U2SURP: variants seen among roughly 807,000 people sequenced by gnomAD.
The protein encoded by U2SURP is U2 snRNP-associated SURP motif-containing protein.
U2SURP carries 9 observed loss-of-function variants against 144.9 expected under a neutral mutation model. The ratio of observed to expected loss-of-function variants is 0.06; its 90% CI spans 0.04 to 0.11. The LOEUF is 0.11. Ranked by LOEUF, U2SURP falls within the 10% of genes least tolerant of loss-of-function variation. The pLI is 1.00. For synonymous variants in U2SURP, 408 were observed against 396.8 expected (o/e 1.03, Z -0.33); for missense variants, 724 against 1,226.7 (o/e 0.59, Z 6.12).
chr3:143,013,536 C>T (rs1936215436), intron 3 of U2SURP, among the ~76,000 whole-genome samples: 1 of 151,936 alleles, frequency 6.6e-6, no homozygotes, highest in Non-Finnish European at 1.5e-5. Context: ...GAGAGAGAAA[C>T]CTTCAGATTT....
At chr3:143,034,827 T>C (rs2108297173) in intron 18 of U2SURP, 61 bp from the exon 19 acceptor site, 2 of 1,107,640 alleles carry the variant, frequency 1.8e-6, no homozygotes, top group Non-Finnish European at 2.6e-6. Context: ...TTGGCTGGCA[T>C]GCTAAAAGGG....
At chr3:143,011,653 A>G (rs1185595075) in intron 2 of U2SURP, among the ~76,000 whole-genome samples, 1 of 152,120 alleles carries the variant, frequency 6.6e-6, no homozygotes, top group African/African-American at 2.4e-5. Context: ...TTTCACTTAA[A>G]AAACTAGCAT....
intron 24 of U2SURP, among the ~76,000 whole-genome samples, chr3:143,046,951 ACC>A (rs1560203258): frequency 1.1e-5 from 1 of 91,690 alleles, no homozygotes. Flanking sequence ...CAGGGGGCTG[ACC>A]TCCCCCACCT....
intron 26 of U2SURP, among the ~76,000 whole-genome samples, chr3:143,054,671 G>A (rs1026823273): frequency 1.3e-5 from 2 of 152,150 alleles, no homozygotes; most frequent in Non-Finnish European, 2.9e-5. Flanking sequence ...ATTTAATCCA[G>A]AGACCTTAAT....
chr3:143,038,006 T>C, intron 21 of U2SURP, 102 bp from the exon 22 acceptor site: 1 of 733,672 alleles, frequency 1.4e-6, no homozygotes, highest in Non-Finnish European at 2.1e-6. Flanking sequence ...ATCTGTGTCC[T>C]TATTTTACTT....
intron 15 of U2SURP, 29 bp from the exon 16 acceptor site, chr3:143,028,454 C>T: frequency 6.2e-7 from 1 of 1,604,240 alleles, no homozygotes. Context: ...AGTAATTAGA[C>T]CTTTATAATA....
rs561535180 is a variant in U2SURP at position 143,004,011 on chromosome 3, C to A, written c.45+2338C>A. 9.8e-4 allele frequency among the ~76,000 whole-genome samples: 149 copies of A among 152,138 alleles called. 1 individual carries two copies. Among genetic ancestry groups the A allele is most frequent in the African/African-American group, 3.4e-3 (143 of 41,518 alleles). On this transcript the variant is annotated intron_variant, in intron 1 of 27. Coordinates refer to ENST00000473835, the MANE Select transcript of U2SURP (RefSeq NM_001080415.2). ...CGCCCTGCTTCCCTGCTTTTTATTT[C>A]TAACACATAATTTATTAGAGAAATT...
intron 16 of U2SURP, 42 bp downstream of exon 16, chr3:143,028,688 C>CCA: frequency 6.6e-7 from 1 of 1,517,090 alleles, no homozygotes; most frequent in Non-Finnish European, 8.9e-7. Flanking sequence ...AGAAAAGTAA[C>CCA]TGTAATGGTT....
rs944059244 is a variant in U2SURP at position 143,019,910 on chromosome 3, T to A, written c.571-59T>A. 8.6e-6 allele frequency: 8 copies of A among 924,980 alleles called. No homozygotes were observed. In the African/African-American group the frequency reaches 1.4e-4, roughly 16 times the overall value. The allele number at this position is 924,980 out of a possible 1,614,324, so 57.3% of individuals were successfully genotyped here. On this transcript the variant is annotated intron_variant, in intron 6 of 27. Coordinates refer to ENST00000473835, the MANE Select transcript of U2SURP (RefSeq NM_001080415.2). ...AATGATGTAAAAAGGCTCTTATTAT[T>A]GAATCATTGGTTTTGCTTATCCTTT...
chr3:143,026,114 A>T (rs1933130896), intron 13 of U2SURP: 1 of 152,106 alleles, frequency 6.6e-6, no homozygotes, highest in African/African-American at 2.4e-5. Flanking sequence ...TGAAATGAGG[A>T]ATCAAAAGCA....
chr3:143,025,654 G>A (rs1374417615), intron 13 of U2SURP: 2 of 152,112 alleles, frequency 1.3e-5, no homozygotes, highest in African/African-American at 4.8e-5. Context: ...CTGTGAAAGA[G>A]AAATAATTTT....
At chr3:143,034,363 C>T (rs1933691163) in intron 18 of U2SURP, among the ~76,000 whole-genome samples, 1 of 151,882 alleles carries the variant, frequency 6.6e-6, no homozygotes, top group Non-Finnish European at 1.5e-5. Flanking sequence ...GAGATGGCAC[C>T]ATTGTCCTCT....
intron 1 of U2SURP, among the ~76,000 whole-genome samples, chr3:143,005,061 T>A (rs1444548129): frequency 6.6e-6 from 1 of 152,182 alleles, no homozygotes; most frequent in African/African-American, 2.4e-5. Flanking sequence ...GTATTTTCTT[T>A]CCTTCTGCCA....
intron 11 of U2SURP, 74 bp downstream of exon 11, chr3:143,022,736 G>T: frequency 1.3e-6 from 2 of 1,489,004 alleles, no homozygotes; most frequent in Non-Finnish European, 1.8e-6. Context: ...ATAAAAACTA[G>T]GAAGGATTGG....
At chr3:143,039,852 C>A (rs950207635) in intron 23 of U2SURP, among the ~76,000 whole-genome samples, 4 of 151,744 alleles carry the variant, frequency 2.6e-5, no homozygotes, top group African/African-American at 9.7e-5. Context: ...GAAAACTTGT[C>A]TACAATGATG....
At chr3:143,010,275 G>A (rs1479240224) in intron 1 of U2SURP, among the ~76,000 whole-genome samples, 1 of 152,186 alleles carries the variant, frequency 6.6e-6, no homozygotes, top group Non-Finnish European at 1.5e-5. Context: ...ACATGCTATC[G>A]AATCATCTCC....
chr3:143,054,432 CTG>C, intron 26 of U2SURP, among the ~76,000 whole-genome samples: 1 of 152,316 alleles, frequency 6.6e-6, no homozygotes, highest in East Asian at 1.9e-4. Flanking sequence ...GGTTAAAAGT[CTG>C]TCACTTTTTT....
At chr3:143,053,533 A>AG in intron 25 of U2SURP, 143 bp from the exon 26 acceptor site, 1 of 462,646 alleles carries the variant, frequency 2.2e-6, no homozygotes, top group Non-Finnish European at 3.5e-6. Flanking sequence ...CTGAAGGGGT[A>AG]GATTTTTTTT....
At chr3:143,016,685 G>A (rs1385073222) in intron 5 of U2SURP, among the ~76,000 whole-genome samples, 157 bp from the exon 6 acceptor site, 1 of 152,068 alleles carries the variant, frequency 6.6e-6, no homozygotes, top group Non-Finnish European at 1.5e-5. Context: ...GATTAAATTA[G>A]CATTATTGAG....
Sources: allele counts gnomAD v4.1 joint callset (sites outside exome capture counted in the v4.1 genomes callset), GRCh38; gene constraint gnomAD v4.1.1; transcripts MANE v1.5; gene names NCBI Gene and HGNC (gene_info 2026-07-23, HGNC 2026-07-21).